The following L3MBTL4 variants were observed in gnomAD, a reference collection of about 807,000 sequenced individuals.
L3MBTL4 encodes the protein lethal(3)malignant brain tumor-like protein 4.
Under a neutral mutation model 84.5 loss-of-function variants are expected in L3MBTL4, and 70 were observed. The ratio of observed to expected loss-of-function variants is 0.83; its 90% confidence interval spans 0.68 to 1.01. L3MBTL4 has a LOEUF of 1.01. L3MBTL4 is among the 50% of genes least tolerant of loss of function. The pLI is 0.00. For synonymous variants in L3MBTL4, 274 were observed against 259.8 expected, an observed-to-expected ratio of 1.05 and a Z score of -0.52; for missense variants, 715 against 754.8, an observed-to-expected ratio of 0.95 and a Z score of 0.62.
intron 12 of L3MBTL4, among the ~76,000 whole-genome samples, chr18:6,193,842 T>C (rs1026352441): frequency 6.6e-6 from 1 of 152,176 alleles, no homozygotes; most frequent in African/African-American, 2.4e-5. Flanking sequence ...AATGCCCTTT[T>C]ACCAGCACAA....
chr18:6,200,811 A>G lies in L3MBTL4; in HGVS notation c.981+12338T>C, dbSNP rs560525591. ...TAATAGAGAAACACCAATGAATTCA[A>G]TTTTCTATGTGATGTTAGAAATAGC... On this transcript the variant is annotated intron_variant, in intron 12 of 18. Coordinates refer to ENST00000317931, the MANE Select transcript of L3MBTL4 (RefSeq NM_001330559.2). 6.6e-5 allele frequency among the ~76,000 whole-genome samples: 10 copies of G among 152,346 alleles called. No homozygotes were observed. In the South Asian group the frequency reaches 1.9e-3, roughly 28 times the overall value.
At chr18:6,328,454 C>T (rs552487878) in intron 1 of L3MBTL4, among the ~76,000 whole-genome samples, 1 of 152,272 alleles carries the variant, frequency 6.6e-6, no homozygotes, top group African/African-American at 2.4e-5. Context: ...ATTGAATGTT[C>T]CTAATATCAC....
intron 16 of L3MBTL4, chr18:6,030,026 C>A: frequency 1.0e-6 from 1 of 985,454 alleles, no homozygotes; most frequent in Non-Finnish European, 1.2e-6. Flanking sequence ...GGACTGGTCA[C>A]TTATAGTGTG....
At chr18:6,027,652 A>G (rs1177343558) in intron 16 of L3MBTL4, among the ~76,000 whole-genome samples, 1 of 152,188 alleles carries the variant, frequency 6.6e-6, no homozygotes, top group Non-Finnish European at 1.5e-5. Context: ...CGCTCCCACC[A>G]ACAGTGTAAA....
rs562658800 is a variant in L3MBTL4 at position 6,117,608 on chromosome 18, G to A, written c.1199+20586C>T. Among the ~76,000 whole-genome samples, 6 of 152,288 alleles carry A rather than the reference G, an allele frequency of 3.9e-5. No homozygotes were observed. The South Asian group carries it at 6.2e-4, about 16-fold the overall frequency. On this transcript the variant is annotated intron_variant, in intron 14 of 18. Coordinates refer to ENST00000317931, the MANE Select transcript of L3MBTL4 (RefSeq NM_001330559.2). ...CAAATGCTGAATCTGCTACTTACTA[G>A]GAATCAGCAAGATAGCTGATCCTTC...
At chr18:6,338,856 T>G (rs1278917664) in intron 1 of L3MBTL4, among the ~76,000 whole-genome samples, 1 of 152,134 alleles carries the variant, frequency 6.6e-6, no homozygotes. Context: ...AAAACTATAC[T>G]AATACCAGAA....
intron 14 of L3MBTL4, among the ~76,000 whole-genome samples, chr18:6,129,875 A>G (rs2059821077): frequency 6.6e-6 from 1 of 152,156 alleles, no homozygotes; most frequent in African/African-American, 2.4e-5. Flanking sequence ...GTATATCTTT[A>G]GTCACTCTTC....
In L3MBTL4 at chr18:6,414,016, C is replaced by T. The variant is rs912314349; in HGVS notation, c.-91+785G>A. ...ACCAATCCCGCAGGTAAGTGCGGCG[C>T]TGGCCCAGGTGTGCCCAGCTCGACT... is the stretch of plus-strand genomic sequence containing the variant. On this transcript the variant is annotated intron_variant, in intron 1 of 18. Transcript: ENST00000317931. This position sits in a 1 kb window ranked among gnomAD's most constrained non-coding sequence, Gnocchi z 5.4. 2 of 152,322 alleles carry T rather than the reference C, an allele frequency of 1.3e-5. No individual in the cohort carries two copies. The highest frequency in any genetic ancestry group is 4.8e-5 in the African/African-American group (2 of 41,484). The allele number at this position is 152,322 out of a possible 1,614,324, so 9.4% of individuals were successfully genotyped here. A position where few individuals can be genotyped will look rare whatever the true frequency, so the allele number is the denominator to read the frequency against.
intron 17 of L3MBTL4, among the ~76,000 whole-genome samples, chr18:5,966,618 G>A (rs759290166): frequency 6.6e-6 from 1 of 152,114 alleles, no homozygotes. Flanking sequence ...TTGAGTTTAT[G>A]TCCACTGGGA....
chr18:6,125,654 T>C (rs540359759), intron 14 of L3MBTL4, among the ~76,000 whole-genome samples: 19 of 152,332 alleles, frequency 1.2e-4, no homozygotes, highest in African/African-American at 3.8e-4. Flanking sequence ...GGTCTCGAAC[T>C]GCTGGGCTCA....
intron 16 of L3MBTL4, among the ~76,000 whole-genome samples, chr18:6,004,851 C>A (rs775208783): frequency 6.6e-6 from 1 of 151,866 alleles, no homozygotes; most frequent in Non-Finnish European, 1.5e-5. Context: ...CAGGGAGCGG[C>A]AATGGGGAAT....
chr18:6,189,254 C>G (rs565468150), intron 12 of L3MBTL4, among the ~76,000 whole-genome samples: 1 of 152,282 alleles, frequency 6.6e-6, no homozygotes, highest in African/African-American at 2.4e-5. Context: ...TTATGACCCA[C>G]TCATGAAACC....
intron 12 of L3MBTL4, among the ~76,000 whole-genome samples, chr18:6,200,501 G>A (rs1002987061): frequency 2.0e-5 from 3 of 152,192 alleles, no homozygotes; most frequent in Admixed American, 6.5e-5. Context: ...TATTATTACC[G>A]GAAAATCACT....
chr18:6,329,016 T>C (rs2143042653), intron 1 of L3MBTL4, among the ~76,000 whole-genome samples: 1 of 152,344 alleles, frequency 6.6e-6, no homozygotes, highest in Middle Eastern at 3.4e-3. Context: ...CACATGTAAC[T>C]AGCTTCCAAA....
intron 16 of L3MBTL4, among the ~76,000 whole-genome samples, chr18:6,020,562 CA>C (rs1218019067): frequency 6.6e-6 from 1 of 151,832 alleles, no homozygotes; most frequent in Non-Finnish European, 1.5e-5. Context: ...AGCAGAGAGA[CA>C]GGAAGACCAG....
At chr18:6,003,067 T>TAAAAAAGGATATTCCATACACAAACAG (rs1567970908) in intron 16 of L3MBTL4, among the ~76,000 whole-genome samples, 8 of 110,572 alleles carry the variant, frequency 7.2e-5, no homozygotes, top group East Asian at 3.5e-4. Context: ...AGTATCTCTA[T>TAAAAAAGGATATTCCATACACAAACAG]TTATAGAGAT....
At chr18:6,310,972 A>C (rs2050800790) in intron 3 of L3MBTL4, among the ~76,000 whole-genome samples, 1 of 152,210 alleles carries the variant, frequency 6.6e-6, no homozygotes, top group Non-Finnish European at 1.5e-5. Context: ...CCCCCAAGGA[A>C]GAAGGAATTC....
chr18:5,959,387 C>A (rs1414832051), intron 18 of L3MBTL4, among the ~76,000 whole-genome samples: 7 of 152,178 alleles, frequency 4.6e-5, no homozygotes, highest in Non-Finnish European at 7.3e-5. Context: ...TAGCACCATG[C>A]CTGGCACATG....
chr18:6,366,735 G>A (rs1041213069), intron 1 of L3MBTL4, among the ~76,000 whole-genome samples: 2 of 152,302 alleles, frequency 1.3e-5, no homozygotes, highest in South Asian at 4.1e-4. Context: ...GGAAAACTCA[G>A]CTAAGTGCAG....
Sources: allele counts gnomAD v4.1 joint callset (sites outside exome capture counted in the v4.1 genomes callset), GRCh38; gene constraint gnomAD v4.1.1; non-coding constraint Gnocchi (gnomAD v3.1); transcripts MANE v1.5; gene names NCBI Gene and HGNC (gene_info 2026-07-23, HGNC 2026-07-21).